The following P4HB variants were observed in gnomAD, a reference collection of about 807,000 sequenced individuals.
The protein encoded by P4HB is protein disulfide-isomerase.
Under a neutral mutation model 52.6 loss-of-function variants are expected in P4HB, and 20 were observed. The ratio of observed to expected loss-of-function variants is 0.38; its 90% CI spans 0.27 to 0.55. The LOEUF is 0.55. Among genes scored for constraint, P4HB ranks in the 20% least tolerant of loss-of-function variants. The pLI, the probability that P4HB is intolerant of heterozygous loss-of-function variation, is 0.74. For missense variants in P4HB, 601 were observed against 669.2 expected (o/e 0.90, Z 1.12); for synonymous variants, 296 against 277.9 (o/e 1.07, Z -0.65).
In P4HB at chr17:81,846,864, G is replaced by C. The variant is rs2038743394; in HGVS notation, c.855+83C>G. On this transcript the variant is annotated intron_variant, in intron 6 of 10. Transcript: ENST00000331483. The surrounding 1 kb of genome is among the most constrained non-coding windows in gnomAD (Gnocchi z 5.7). ...CGATCCAGTCCAGCAGGCAGCCTCA[G>C]GAAGGCCCCACACTTGTCACCTCGG... is the stretch of plus-strand genomic sequence containing the variant. The C allele has an allele frequency of 6.5e-7, 1 of 1,547,958 alleles. No individual in the cohort carries two copies. Among genetic ancestry groups the C allele is most frequent in the East Asian group, 2.2e-5 (1 of 44,526 alleles).
chr17:81,843,222 C>T lies in P4HB; in HGVS notation c.*790G>A. ...CAATTCGATTGTGAAATAGAAATGC[C>T]TGAAGAACTGTCAGCGTCTGATTCA... is the stretch of plus-strand genomic sequence containing the variant. On this transcript the variant is annotated 3_prime_UTR_variant, in exon 11 of 11. Transcript: ENST00000331483. 2.8e-6 allele frequency: 1 copy of T among 351,034 alleles called. No individual in the cohort carries two copies. Among genetic ancestry groups the T allele is most frequent in the Non-Finnish European group, 5.1e-6 (1 of 196,182 alleles). 21.7% of individuals were successfully genotyped at this position (351,034 alleles called of 1,614,324 possible). A position where few individuals can be genotyped will look rare whatever the true frequency, so the allele number is the denominator to read the frequency against.
chr17:81,847,065 G>A lies in P4HB; in HGVS notation c.737C>T (p.Pro246Leu), dbSNP rs1017538733. ...CTTGATTTCACCTCCAAAAATCTTC[G>A]GGGCTGTCTGTGTTATAAACTTAAG... is the stretch of plus-strand genomic sequence containing the variant. ...LVIEFTEQTA[P>L]KIFGGEIKTH... The change falls in exon 6 of 11, where the codon CCG becomes CTG. Residue 246 changes from proline to leucine, a missense_variant. Pro to Leu is a moderately conservative substitution (Grantham distance 98). Transcript: ENST00000331483. 7 of 1,613,892 alleles carry A rather than the reference G, an allele frequency of 4.3e-6. No homozygotes were observed. In the Admixed American group the frequency reaches 6.7e-5, roughly 15 times the overall value.
rs2143321586 is a variant in P4HB at position 81,847,070 on chromosome 17, T to A, written c.732A>T (p.Thr244=). 1 of 1,614,048 alleles carries A rather than the reference T, an allele frequency of 6.2e-7. No homozygotes were observed. Among genetic ancestry groups the A allele is most frequent in the South Asian group, 1.1e-5 (1 of 91,088 alleles). ...LPLVIEFTEQ[T]APKIFGGEIK... is the part of the protein sequence containing the mutation. ...TTTCACCTCCAAAAATCTTCGGGGC[T>A]GTCTGTGTTATAAACTTAAGTTACT... is the stretch of plus-strand genomic sequence containing the variant. Residue 244 remains threonine (T), a splice_region_variant and synonymous_variant, in exon 6 of 11, where the codon ACA becomes ACT. Coordinates refer to ENST00000331483, the MANE Select transcript of P4HB (RefSeq NM_000918.4).
rs559788853 is a variant in P4HB, at chr17:81,849,985, G to A, written c.625-2638C>T. Reference sequence around the variant, plus strand: ...TGGGATCACAGGCACCCGCCACCACGCCTGGCTAATTTTTGTATTTTTAGT... The same window carrying A: ...TGGGATCACAGGCACCCGCCACCACACCTGGCTAATTTTTGTATTTTTAGT... On this transcript the variant is annotated intron_variant, in intron 4 of 10. Coordinates refer to ENST00000331483, the MANE Select transcript of P4HB (RefSeq NM_000918.4). Among the ~76,000 whole-genome samples, 513 of 151,734 alleles carry A rather than the reference G, an allele frequency of 3.4e-3. 3 individuals carry two copies. Among genetic ancestry groups the A allele is most frequent in the African/African-American group, 0.012 (476 of 41,324 alleles).
In P4HB at chr17:81,855,898, C is replaced by A. The variant is rs111930810; in HGVS notation, c.353-312G>T. ...TTTCTTTTTTCTTTTGACACAGGGG[C>A]TCACTCTGTTACCCAGCTGGAGGGT... On this transcript the variant is annotated intron_variant, in intron 2 of 10. Coordinates refer to ENST00000331483, the MANE Select transcript of P4HB (RefSeq NM_000918.4). This position sits in a 1 kb window ranked among gnomAD's most constrained non-coding sequence, Gnocchi z 4.3. 0.044 allele frequency: 12,360 copies of A among 283,554 alleles called. 382 individuals are homozygous for A. The highest frequency in any genetic ancestry group is 0.061 in the Non-Finnish European group (9,111 of 150,266). 17.6% of individuals were successfully genotyped at this position (283,554 alleles called of 1,614,324 possible).
At position 81,846,901 on chromosome 17, in the gene P4HB, C is replaced by G. The variant is rs772661479; in HGVS notation, c.855+46G>C. On this transcript the variant is annotated intron_variant, in intron 6 of 10. Transcript: ENST00000331483. This position sits in a 1 kb window ranked among gnomAD's most constrained non-coding sequence, Gnocchi z 5.7. The stretch of plus-strand genomic sequence containing the variant: ...ACTTGTCACCTCGGGAAGAGTTGTA[C>G]TGCTCCCTGGCACCGCCCCACGAGC... 4 of 1,610,192 alleles carry G rather than the reference C, an allele frequency of 2.5e-6. No individual in the cohort carries two copies. In the South Asian group the frequency reaches 3.3e-5, roughly 13 times the overall value.
chr17:81,844,371 G>C (rs2038700481), intron 10 of P4HB, among the ~76,000 whole-genome samples: 1 of 152,186 alleles, frequency 6.6e-6, no homozygotes, highest in Non-Finnish European at 1.5e-5. Flanking sequence ...CTTCCACTGG[G>C]CATGGAAGGC....
chr17:81,844,041 C>A lies in P4HB; in HGVS notation c.1498G>T (p.Asp500Tyr). 1 of 1,613,872 alleles carries A rather than the reference C, an allele frequency of 6.2e-7. No individual in the cohort carries two copies. The highest frequency in any genetic ancestry group is 2.2e-5 in the East Asian group (1 of 44,878). Residue 500 changes from aspartate (D) to tyrosine (Y), a missense_variant, in exon 11 of 11, where the codon GAT becomes TAT. Asp to Tyr is a radical substitution (Grantham distance 160). Transcript: ENST00000331483. ...AEEPDMEEDD[D>Y]QKAVKDEL is the part of the protein sequence containing the mutation. Reference sequence around the variant, plus strand: ...AGTTCATCTTTCACAGCTTTCTGATCATCGTCTTCCTCCATGTCTGGCTCC... The same window carrying A: ...AGTTCATCTTTCACAGCTTTCTGATAATCGTCTTCCTCCATGTCTGGCTCC...
At position 81,844,061 on chromosome 17, in the gene P4HB, G is replaced by A. The variant is rs778712847; in HGVS notation, c.1478C>T (p.Pro493Leu). Residue 493 changes from proline (P) to leucine (L), a missense_variant, in exon 11 of 11, where the codon CCA (proline) becomes CTA (leucine). Pro to Leu is a moderately conservative substitution (Grantham distance 98, BLOSUM62 -3). Coordinates refer to ENST00000331483, the MANE Select transcript of P4HB (RefSeq NM_000918.4). ...CTGATCATCGTCTTCCTCCATGTCT[G>A]GCTCCTCTGCTTCTTCCAGGTCCTC... ...DLEDLEEAEE[P>L]DMEEDDDQKA... is the part of the protein sequence containing the mutation. The A allele has an allele frequency of 4.3e-6, 7 of 1,613,716 alleles. No homozygotes were observed. The highest frequency in any genetic ancestry group is 5.9e-6 in the Non-Finnish European group (7 of 1,179,638).
rs2143322467 is a variant in P4HB, at chr17:81,847,235, A to C, written c.729+8T>G. On this transcript the variant is annotated splice_region_variant and intron_variant, in intron 5 of 10. Transcript: ENST00000331483. ...ATCCCCAGCCTGGGGGCTGCAGGGCAGCCGCACCTGCTCGGTGAACTCGAT... is the reference window on the plus strand; with the variant it reads ...ATCCCCAGCCTGGGGGCTGCAGGGCCGCCGCACCTGCTCGGTGAACTCGAT... 1 of 1,613,232 alleles carries C rather than the reference A, an allele frequency of 6.2e-7. No homozygotes were observed. Among genetic ancestry groups the C allele is most frequent in the South Asian group, 1.1e-5 (1 of 91,050 alleles).
chr17:81,856,968 A>G (rs1057090701), intron 2 of P4HB, among the ~76,000 whole-genome samples: 2 of 151,576 alleles, frequency 1.3e-5, no homozygotes, highest in Non-Finnish European at 2.9e-5. Context: ...TTTTTTGTAG[A>G]GATGGGGTTT....
intron 2 of P4HB, 139 bp downstream of exon 2, chr17:81,859,042 G>C: frequency 1.4e-6 from 1 of 709,728 alleles, no homozygotes; most frequent in Non-Finnish European, 2.4e-6. Flanking sequence ...AGTGGACAGA[G>C]AACCCGGCCT....
Position 81,845,670 on chromosome 17 carries a change from T to C in P4HB, c.1250A>G (p.His417Arg), listed in dbSNP as rs62077233. The C allele has an allele frequency of 2.5e-6, 4 of 1,613,992 alleles. No individual in the cohort carries two copies. Among genetic ancestry groups the C allele is most frequent in the Admixed American group, 1.7e-5 (1 of 60,000 alleles). The stretch of plus-strand genomic sequence containing the variant: ...CATCTTGGCGATGACGATGTTCTCA[T>C]GGTCCTTGTACGTCTCTCCCAGTTT... ...WDKLGETYKDHENIVIAKMDS... is the reference protein window; with the variant it reads ...WDKLGETYKDRENIVIAKMDS... Residue 417 changes from histidine (H) to arginine (R), a missense_variant, in exon 9 of 11, where the codon CAT becomes CGT. His to Arg is a conservative substitution (Grantham distance 29). Transcript: ENST00000331483.
Position 81,846,904 on chromosome 17 carries a change from C to T in P4HB, c.855+43G>A, listed in dbSNP as rs759018548. ...TGTCACCTCGGGAAGAGTTGTACTGCTCCCTGGCACCGCCCCACGAGCCAC... is the reference window on the plus strand; with the variant it reads ...TGTCACCTCGGGAAGAGTTGTACTGTTCCCTGGCACCGCCCCACGAGCCAC... On this transcript the variant is annotated intron_variant, in intron 6 of 10. Transcript: ENST00000331483. The surrounding 1 kb of genome is among the most constrained non-coding windows in gnomAD (Gnocchi z 5.7). 91 of 1,610,836 alleles carry T rather than the reference C, an allele frequency of 5.6e-5. No homozygotes were observed. The highest frequency in any genetic ancestry group is 7.6e-5 in the Non-Finnish European group (90 of 1,178,798).
rs373110842 is a variant in P4HB at position 81,860,417 on chromosome 17, C to T, written c.55G>A (p.Ala19Thr). 4 of 1,432,004 alleles carry T rather than the reference C, an allele frequency of 2.8e-6. No homozygotes were observed. The highest frequency in any genetic ancestry group is 3.7e-6 in the Non-Finnish European group (4 of 1,089,634). The allele number at this position is 1,432,004 out of a possible 1,614,324, so 88.7% of individuals were successfully genotyped here. A position where few individuals can be genotyped will look rare whatever the true frequency, so the allele number is the denominator to read the frequency against. ...AGGACGTGGTCCTCCTCCTCGGGGG[C>T]GTCGGCGCGCACCAGGGCGGCCACG... ...LAVAALVRADAPEEEDHVLVL... is the reference protein window; with the variant it reads ...LAVAALVRADTPEEEDHVLVL... The change falls in exon 1 of 11, where the codon GCC (alanine) becomes ACC (threonine). Residue 19 changes from alanine to threonine, a missense_variant. By Grantham distance (58) the Ala-to-Thr change is moderately conservative. Coordinates refer to ENST00000331483, the MANE Select transcript of P4HB (RefSeq NM_000918.4).
At chr17:81,853,120 T>C (rs2038857707) in intron 4 of P4HB, among the ~76,000 whole-genome samples, 2 of 152,148 alleles carry the variant, frequency 1.3e-5, no homozygotes, top group African/African-American at 4.8e-5. Context: ...GCATCTACTG[T>C]CTTGAGTTAT....
chr17:81,844,579 A>G (rs113775324), intron 10 of P4HB, among the ~76,000 whole-genome samples: 30,267 of 152,098 alleles, frequency 0.2, 3,186 homozygotes, highest in East Asian at 0.28. Context: ...TGGGCAGAGT[A>G]TTCCCACCTC....
chr17:81,855,647 C>A lies in P4HB; in HGVS notation c.353-61G>T. On this transcript the variant is annotated intron_variant, in intron 2 of 10. Transcript: ENST00000331483. This position sits in a 1 kb window ranked among gnomAD's most constrained non-coding sequence, Gnocchi z 4.3. ...AGGGAGTGCCGCCTGCCCTGCCGCGCCTGCTCCCGTCTCTGCTCTCTGCCA... is the reference window on the plus strand; with the variant it reads ...AGGGAGTGCCGCCTGCCCTGCCGCGACTGCTCCCGTCTCTGCTCTCTGCCA... 6.4e-7 allele frequency: 1 copy of A among 1,566,540 alleles called. No homozygotes were observed. The highest frequency in any genetic ancestry group is 8.7e-7 in the Non-Finnish European group (1 of 1,152,518).
At chr17:81,847,375 A>G (rs2038753775) in intron 4 of P4HB, 28 bp from the exon 5 acceptor site, 1 of 1,579,624 alleles carries the variant, frequency 6.3e-7, no homozygotes, top group Non-Finnish European at 8.7e-7. Context: ...GCCCTGACTG[A>G]GCATTGCTGC....
Sources: allele counts gnomAD v4.1 joint callset (sites outside exome capture counted in the v4.1 genomes callset), GRCh38; gene constraint gnomAD v4.1.1; non-coding constraint Gnocchi (gnomAD v3.1); transcripts MANE v1.5; gene names NCBI Gene and HGNC (gene_info 2026-07-23, HGNC 2026-07-21).